MARK2: variants seen among roughly 807,000 people sequenced by gnomAD.
The protein encoded by MARK2 is serine/threonine-protein kinase MARK2.
In MARK2, 16 loss-of-function variants were observed where a neutral mutation model predicts 89.8. The observed-to-expected ratio is 0.18, with a 90% confidence interval of 0.12 to 0.27. MARK2 has a LOEUF of 0.27. MARK2 is among the 10% of genes least tolerant of loss of function. MARK2 has a pLI of 1.00. For missense variants in MARK2, 621 were observed against 1,049.9 expected, an observed-to-expected ratio of 0.59 and a Z score of 5.65; for synonymous variants, 382 against 399.5, an observed-to-expected ratio of 0.96 and a Z score of 0.52.
intron 1 of MARK2, among the ~76,000 whole-genome samples, chr11:63,850,570 C>G (rs1298955498): frequency 1.3e-5 from 2 of 151,726 alleles, no homozygotes; most frequent in Non-Finnish European, 2.9e-5. Context: ...TATAAGGCAT[C>G]AATATTAGAT....
At position 63,900,502 on chromosome 11, in the gene MARK2, GT is replaced by G; in HGVS notation, c.769-54del. The G allele has an allele frequency of 3.8e-6, 6 of 1,590,536 alleles. No individual in the cohort carries two copies. The highest frequency in any genetic ancestry group is 5.1e-6 in the Non-Finnish European group (6 of 1,166,288). ...AAGCTCTCAGGATCTTGGATATTAG[GT>G]TTCTTCCTTTGGCCTTGGGGTGATT... On this transcript the variant is annotated intron_variant, in intron 8 of 18. Coordinates refer to ENST00000402010, the MANE Select transcript of MARK2 (RefSeq NM_001039469.3). This position sits in a 1 kb window ranked among gnomAD's most constrained non-coding sequence, Gnocchi z 4.7.
At chr11:63,874,639 A>G (rs1302586346) in intron 1 of MARK2, among the ~76,000 whole-genome samples, 1 of 152,202 alleles carries the variant, frequency 6.6e-6, no homozygotes, top group Non-Finnish European at 1.5e-5. Context: ...CTGTGTTGCC[A>G]ATGCTTGCCC....
intron 1 of MARK2, chr11:63,868,869 C>T (rs746833188): frequency 5.5e-5 from 25 of 455,846 alleles, no homozygotes; most frequent in Non-Finnish European, 7.1e-5. Context: ...GAGCATGGCA[C>T]GGGAAGAACT....
At chr11:63,848,929 G>A (rs968863298) in intron 1 of MARK2, among the ~76,000 whole-genome samples, 2 of 151,232 alleles carry the variant, frequency 1.3e-5, no homozygotes, top group South Asian at 2.1e-4. Context: ...GGATGGTCTC[G>A]ATCTCCTGAC....
intron 1 of MARK2, among the ~76,000 whole-genome samples, chr11:63,894,208 A>G (rs906449136): frequency 3.3e-5 from 5 of 152,240 alleles, no homozygotes; most frequent in Non-Finnish European, 7.3e-5. Flanking sequence ...GTGAATAAAG[A>G]ATATATGCCT....
rs1940943069 is a variant in MARK2 at position 63,902,097 on chromosome 11, G to GT, written c.1102-98dup. The GT allele has an allele frequency of 7.6e-7, 1 of 1,307,882 alleles. No homozygotes were observed. Among genetic ancestry groups the GT allele is most frequent in the Non-Finnish European group, 1.1e-6 (1 of 935,020 alleles). The allele number at this position is 1,307,882 out of a possible 1,614,324, so 81.0% of individuals were successfully genotyped here. A position where few individuals can be genotyped will look rare whatever the true frequency, so the allele number is the denominator to read the frequency against. ...TGGATGTCCGGTATGATCCTGGGGT[G>GT]TTTGAGTGTTGGGAGAGGGCGGTAT... On this transcript the variant is annotated intron_variant, in intron 11 of 18. Coordinates refer to ENST00000402010, the MANE Select transcript of MARK2 (RefSeq NM_001039469.3). This position sits in a 1 kb window ranked among gnomAD's most constrained non-coding sequence, Gnocchi z 4.2.
In MARK2 at chr11:63,893,528, T is replaced by C. The variant is rs192225738; in HGVS notation, c.55-1631T>C. Among the ~76,000 whole-genome samples, 222 of 152,144 alleles carry C rather than the reference T, an allele frequency of 1.5e-3. 1 individual carries two copies. The highest frequency in any genetic ancestry group is 5.0e-3 in the African/African-American group (209 of 41,476). On this transcript the variant is annotated intron_variant, in intron 1 of 18. Coordinates refer to ENST00000402010, the MANE Select transcript of MARK2 (RefSeq NM_001039469.3). ...CTGTGAACCTTGGTTACAGGTTTTTTGTGGATTTCTGTTTTCATTTCTCTT... is the reference window on the plus strand; with the variant it reads ...CTGTGAACCTTGGTTACAGGTTTTTCGTGGATTTCTGTTTTCATTTCTCTT...
intron 1 of MARK2, among the ~76,000 whole-genome samples, chr11:63,892,662 C>T (rs1357524617): frequency 1.3e-5 from 2 of 151,152 alleles, no homozygotes; most frequent in African/African-American, 4.9e-5. Context: ...CTGGAGCGAT[C>T]GCTCCAGATG....
At chr11:63,848,339 C>G (rs2016382500) in intron 1 of MARK2, among the ~76,000 whole-genome samples, 1 of 152,140 alleles carries the variant, frequency 6.6e-6, no homozygotes, top group African/African-American at 2.4e-5. Flanking sequence ...GCTTTGGTTT[C>G]TGATATCCCA....
chr11:63,899,252 T>C (rs11825975), intron 7 of MARK2, 144 bp downstream of exon 7: 1 of 614,678 alleles, frequency 1.6e-6, no homozygotes, highest in Admixed American at 2.8e-5. Flanking sequence ...TTTCTTTCTT[T>C]TTTTTTTTTT....
At chr11:63,868,685 CCT>C in intron 1 of MARK2, 1 of 443,074 alleles carries the variant, frequency 2.3e-6, no homozygotes, top group South Asian at 1.6e-5. Context: ...TGTCCTTGCC[CCT>C]GACACCAACG....
chr11:63,902,829 G>A lies in MARK2; in HGVS notation c.1416+47G>A. On this transcript the variant is annotated intron_variant, in intron 13 of 18. Transcript: ENST00000402010. The surrounding 1 kb of genome is among the most constrained non-coding windows in gnomAD (Gnocchi z 4.2). The stretch of plus-strand genomic sequence containing the variant: ...CTCCTTCCTTCCTGCGGTGGGGCCT[G>A]CCCTCTCCAGGCAGCTCTTCTCTTA... 2.0e-6 allele frequency: 3 copies of A among 1,466,988 alleles called. No individual in the cohort carries two copies. Among genetic ancestry groups the A allele is most frequent in the Non-Finnish European group, 2.8e-6 (3 of 1,054,380 alleles). 90.9% of individuals were successfully genotyped at this position (1,466,988 alleles called of 1,614,324 possible).
chr11:63,886,343 C>T (rs950585728), intron 1 of MARK2, among the ~76,000 whole-genome samples: 1 of 152,000 alleles, frequency 6.6e-6, no homozygotes, highest in Non-Finnish European at 1.5e-5. Context: ...AGGCTTGTCT[C>T]GAATTCCCAG....
chr11:63,899,460 G>C (rs1339251391), intron 7 of MARK2, among the ~76,000 whole-genome samples: 1 of 152,120 alleles, frequency 6.6e-6, no homozygotes, highest in Non-Finnish European at 1.5e-5. Context: ...CCAGGGAAGA[G>C]TGCTGAAAGT....
chr11:63,884,776 C>T (rs1939295250), intron 1 of MARK2, among the ~76,000 whole-genome samples: 1 of 152,162 alleles, frequency 6.6e-6, no homozygotes. Context: ...TGACTCTTGG[C>T]AGTTGATAGC....
rs1156239491 is a variant in MARK2, at chr11:63,902,893, T to C, written c.1416+111T>C. On this transcript the variant is annotated intron_variant, in intron 13 of 18. Transcript: ENST00000402010. The surrounding 1 kb of genome is among the most constrained non-coding windows in gnomAD (Gnocchi z 4.2). ...TCCCTTTGGCTACTACTTCTGCTTA[T>C]AGCAGGAAGCCTCGCTCCCAGCAGT... The C allele has an allele frequency of 4.5e-6, 5 of 1,112,206 alleles. No individual in the cohort carries two copies. The highest frequency in any genetic ancestry group is 1.4e-5 in the South Asian group (1 of 73,786). 68.9% of individuals were successfully genotyped at this position (1,112,206 alleles called of 1,614,324 possible).
At chr11:63,863,163 T>G (rs1937907613) in intron 1 of MARK2, among the ~76,000 whole-genome samples, 1 of 152,182 alleles carries the variant, frequency 6.6e-6, no homozygotes. Flanking sequence ...ATGCCACTAC[T>G]TCCTGTTTGC....
intron 1 of MARK2, chr11:63,890,114 A>G (rs1187694921): frequency 7.9e-6 from 4 of 503,762 alleles, no homozygotes; most frequent in South Asian, 3.2e-5. Flanking sequence ...CCTTCAGGGA[A>G]GAAGCTAGGT....
rs530318488 is a variant in MARK2, at chr11:63,875,108, G to T, written c.55-20051G>T. On this transcript the variant is annotated intron_variant, in intron 1 of 18. Transcript: ENST00000402010. ...TGGGACCACAGGTGCATGCCACCAT[G>T]CCCAGCTAATTTTTTTTTTTTTTTT... Among the ~76,000 whole-genome samples, 3 of 148,846 alleles carry T rather than the reference G, an allele frequency of 2.0e-5. No homozygotes were observed. The East Asian group carries it at 5.9e-4, about 29-fold the overall frequency.
Sources: gnomAD v4.1 joint callset for allele counts (sites outside exome capture counted in the v4.1 genomes callset) on GRCh38, gnomAD v4.1.1 for gene constraint, Gnocchi (gnomAD v3.1) non-coding constraint, MANE v1.5 for transcripts, NCBI Gene and HGNC (gene_info 2026-07-23, HGNC 2026-07-21) for gene names.